The following WDR7 variants were observed in gnomAD, a reference collection of about 807,000 sequenced individuals.
The protein encoded by WDR7 is WD repeat-containing protein 7.
Under a neutral mutation model 169.4 loss-of-function variants are expected in WDR7, and 46 were observed. That is an observed-to-expected ratio of 0.27 (90% CI 0.21 to 0.35). WDR7 has a LOEUF of 0.35. WDR7 is among the 10% of genes least tolerant of loss of function. The pLI is 1.00. For synonymous variants in WDR7, 612 were observed against 666.8 expected, an observed-to-expected ratio of 0.92 and a Z score of 1.27; for missense variants, 1,534 against 1,859.3, an observed-to-expected ratio of 0.83 and a Z score of 3.22.
chr18:56,902,983 G>A (rs1354879563), intron 21 of WDR7, among the ~76,000 whole-genome samples: 1 of 152,144 alleles, frequency 6.6e-6, no homozygotes, highest in Non-Finnish European at 1.5e-5. Flanking sequence ...TTGCCCTCCT[G>A]ACACACCACC....
chr18:56,938,505 A>G lies in WDR7; in HGVS notation c.3832-28A>G, dbSNP rs201533856. On this transcript the variant is annotated intron_variant, in intron 23 of 27. Transcript: ENST00000254442. ...ATGTAAAACTATATCAGTGTCAATC[A>G]TATCTACAGCATAGAAATGTTTTGT... The G allele has an allele frequency of 1.8e-4, 292 of 1,607,906 alleles. 3 individuals carry two copies. In the South Asian group the frequency reaches 3.0e-3, roughly 17 times the overall value.
chr18:56,793,826 A>G (rs980354160), intron 19 of WDR7, among the ~76,000 whole-genome samples: 1 of 152,190 alleles, frequency 6.6e-6, no homozygotes, highest in Non-Finnish European at 1.5e-5. Flanking sequence ...GCGGGCTTAC[A>G]TCTTTCTATT....
intron 21 of WDR7, among the ~76,000 whole-genome samples, chr18:56,921,811 GA>G (rs2046725864): frequency 6.6e-6 from 1 of 152,110 alleles, no homozygotes; most frequent in African/African-American, 2.4e-5. Flanking sequence ...TCACTCTCAG[GA>G]AAAAATTGTC....
intron 14 of WDR7, among the ~76,000 whole-genome samples, chr18:56,741,296 C>T (rs12326150): frequency 0.012 from 1,891 of 152,244 alleles, 30 homozygotes; most frequent in Middle Eastern, 0.058. Context: ...ATCTATATTA[C>T]AAATCCTAAA....
chr18:56,875,481 C>T (rs999412811), intron 20 of WDR7, among the ~76,000 whole-genome samples: 1 of 152,152 alleles, frequency 6.6e-6, no homozygotes, highest in African/African-American at 2.4e-5. Context: ...TGCATACCTT[C>T]CCACTGTTTG....
chr18:56,869,438 A>ACAGCAGCAACAC (rs1231302367), intron 20 of WDR7, among the ~76,000 whole-genome samples: 1 of 152,186 alleles, frequency 6.6e-6, no homozygotes, highest in Non-Finnish European at 1.5e-5. Flanking sequence ...GGGAAGTAAC[A>ACAGCAGCAACAC]CAGCAGCAAC....
At chr18:56,669,105 G>A (rs1474307738) in intron 1 of WDR7, among the ~76,000 whole-genome samples, 1 of 152,026 alleles carries the variant, frequency 6.6e-6, no homozygotes, top group African/African-American at 2.4e-5. Context: ...TTGAATATAG[G>A]TCATCTGATT....
intron 12 of WDR7, among the ~76,000 whole-genome samples, 183 bp from the exon 13 acceptor site, chr18:56,717,781 T>C (rs1029280618): frequency 6.6e-6 from 1 of 152,224 alleles, no homozygotes; most frequent in African/African-American, 2.4e-5. Flanking sequence ...TAAAAATATT[T>C]TGATGATTGA....
At chr18:56,926,229 C>A (rs1032898236) in intron 22 of WDR7, among the ~76,000 whole-genome samples, 2 of 152,168 alleles carry the variant, frequency 1.3e-5, no homozygotes, top group Admixed American at 6.6e-5. Context: ...TACGAGGCAG[C>A]TGGCCTTTGC....
chr18:56,716,176 C>A (rs2026187580), intron 12 of WDR7, among the ~76,000 whole-genome samples: 3 of 152,028 alleles, frequency 2.0e-5, no homozygotes, highest in Admixed American at 6.6e-5. Flanking sequence ...GAATCAACTA[C>A]CCCTCAGTAT....
chr18:56,907,665 G>T (rs1028106691), intron 21 of WDR7, among the ~76,000 whole-genome samples: 1 of 152,094 alleles, frequency 6.6e-6, no homozygotes, highest in Non-Finnish European at 1.5e-5. Context: ...GAAATGTATT[G>T]CTCGGCAGTT....
chr18:56,819,095 C>CTT (rs966384210), intron 20 of WDR7, among the ~76,000 whole-genome samples: 2 of 152,050 alleles, frequency 1.3e-5, no homozygotes, highest in African/African-American at 4.8e-5. Flanking sequence ...AGGCAGAATA[C>CTT]TTTTTGAAAT....
At chr18:56,861,451 A>T (rs1417741512) in intron 20 of WDR7, among the ~76,000 whole-genome samples, 3 of 152,196 alleles carry the variant, frequency 2.0e-5, no homozygotes, top group African/African-American at 7.2e-5. Flanking sequence ...CTGTTCTTGT[A>T]TTAGTCCACA....
At chr18:56,811,877 T>C (rs1408418804) in intron 19 of WDR7, among the ~76,000 whole-genome samples, 5 of 152,222 alleles carry the variant, frequency 3.3e-5, no homozygotes. Context: ...TTAATAACTT[T>C]ATATGTCTTA....
At chr18:56,664,703 T>C (rs1488984566) in intron 1 of WDR7, among the ~76,000 whole-genome samples, 1 of 152,164 alleles carries the variant, frequency 6.6e-6, no homozygotes, top group Non-Finnish European at 1.5e-5. Flanking sequence ...AAGTCAGCGT[T>C]TTAGGTGCAG....
At chr18:56,844,327 T>C (rs2045535584) in intron 20 of WDR7, among the ~76,000 whole-genome samples, 1 of 152,210 alleles carries the variant, frequency 6.6e-6, no homozygotes, top group Non-Finnish European at 1.5e-5. Context: ...AAAAAATAGA[T>C]ACATCATTTC....
chr18:57,019,924 T>C (rs1042805967), intron 26 of WDR7, among the ~76,000 whole-genome samples: 1 of 152,264 alleles, frequency 6.6e-6, no homozygotes, highest in African/African-American at 2.4e-5. Context: ...GGTATGGTTT[T>C]AAATAGTTCA....
At chr18:56,988,863 A>G (rs1273671352) in intron 26 of WDR7, among the ~76,000 whole-genome samples, 3 of 152,172 alleles carry the variant, frequency 2.0e-5, no homozygotes, top group African/African-American at 4.8e-5. Context: ...AGGGGGATGG[A>G]GAAAAATGTT....
chr18:56,739,888 T>TG (rs2043589356), intron 14 of WDR7, among the ~76,000 whole-genome samples: 1 of 151,706 alleles, frequency 6.6e-6, no homozygotes, highest in Non-Finnish European at 1.5e-5. Context: ...TTTTTTTTTT[T>TG]TTTGTATTTA....
Sources: gnomAD v4.1 joint callset for allele counts (sites outside exome capture counted in the v4.1 genomes callset) on GRCh38, gnomAD v4.1.1 for gene constraint, MANE v1.5 for transcripts, NCBI Gene and HGNC (gene_info 2026-07-23, HGNC 2026-07-21) for gene names.